Variants in GPC5 observed in about 807,000 individuals in gnomAD.
GPC5 encodes glypican-5.
GPC5 carries 47 observed loss-of-function variants against 53.9 expected under a neutral mutation model. The ratio of observed to expected loss-of-function variants is 0.87; its 90% CI spans 0.69 to 1.11. GPC5 has a LOEUF of 1.11. GPC5 is among the 50% of genes most tolerant of loss of function. The pLI is 0.00. For missense variants in GPC5, 748 were observed against 713.1 expected (o/e 1.05, Z -0.56); for synonymous variants, 286 against 263.3 (o/e 1.09, Z -0.84).
At chr13:92,368,010 A>T (rs2043619597) in intron 7 of GPC5, among the ~76,000 whole-genome samples, 1 of 152,046 alleles carries the variant, frequency 6.6e-6, no homozygotes, top group Admixed American at 6.5e-5. Flanking sequence ...GGTGAGGCAG[A>T]GTTTCACTCT....
At chr13:91,784,692 C>T (rs2037850592) in intron 5 of GPC5, among the ~76,000 whole-genome samples, 1 of 145,998 alleles carries the variant, frequency 6.8e-6, no homozygotes, top group African/African-American at 2.6e-5. Flanking sequence ...CCATTGAACC[C>T]CAGCTTGGGC....
chr13:91,697,452 T>A (rs751712896), intron 3 of GPC5, among the ~76,000 whole-genome samples: 6 of 152,180 alleles, frequency 3.9e-5, no homozygotes, highest in South Asian at 4.1e-4. Flanking sequence ...TCTCTGATGT[T>A]TTAAATGCTC....
At chr13:92,670,534 T>A (rs1055185425) in intron 7 of GPC5, among the ~76,000 whole-genome samples, 4 of 152,230 alleles carry the variant, frequency 2.6e-5, no homozygotes, top group African/African-American at 9.6e-5. Flanking sequence ...GTTCTTTTCA[T>A]CCTGCTAAAT....
At chr13:91,875,607 G>C (rs2138939428) in intron 5 of GPC5, among the ~76,000 whole-genome samples, 1 of 151,972 alleles carries the variant, frequency 6.6e-6, no homozygotes, top group African/African-American at 2.4e-5. Context: ...CTGTTTTATA[G>C]GATTGAAACT....
intron 7 of GPC5, among the ~76,000 whole-genome samples, chr13:92,291,394 T>A (rs1171757995): frequency 6.6e-6 from 1 of 152,142 alleles, no homozygotes; most frequent in East Asian, 1.9e-4. Context: ...AGCTCAAGAT[T>A]TGTAAACACA....
rs147151384 is a variant in GPC5, at chr13:92,042,450, G to A, written c.1402-102380G>A. On this transcript the variant is annotated intron_variant, in intron 6 of 7. Transcript: ENST00000377067. ...CCAATAAGTGGAATGTGATAACTCAGGGGTGATCCCTGAGTTACCTGGATC... is the reference window on the plus strand; with the variant it reads ...CCAATAAGTGGAATGTGATAACTCAAGGGTGATCCCTGAGTTACCTGGATC... 4.6e-3 allele frequency among the ~76,000 whole-genome samples: 699 copies of A among 152,136 alleles called. 7 individuals are homozygous for A. The highest frequency in any genetic ancestry group is 0.016 in the African/African-American group (658 of 41,510).
intron 7 of GPC5, among the ~76,000 whole-genome samples, chr13:92,770,916 T>C (rs1265509688): frequency 6.6e-6 from 1 of 152,154 alleles, no homozygotes; most frequent in Non-Finnish European, 1.5e-5. Flanking sequence ...CTGATATTCA[T>C]GGGGAAGATA....
At chr13:92,414,842 G>C (rs1876212180) in intron 7 of GPC5, among the ~76,000 whole-genome samples, 1 of 152,126 alleles carries the variant, frequency 6.6e-6, no homozygotes, top group Non-Finnish European at 1.5e-5. Flanking sequence ...ATGGGTGTGG[G>C]ACCTCAATCC....
chr13:92,297,541 A>G lies in GPC5; in HGVS notation c.1561+152552A>G, dbSNP rs1163463851. 4.2e-3 allele frequency among the ~76,000 whole-genome samples: 622 copies of G among 147,540 alleles called. 4 individuals carry two copies. Among genetic ancestry groups the G allele is most frequent in the East Asian group, 0.042 (197 of 4,732 alleles). On this transcript the variant is annotated intron_variant, in intron 7 of 7. Transcript: ENST00000377067. ...CCTGTGTTTAGCTCAAGGTTTGTGAATGCACCAATCGACACTCTGTATCTA... is the reference window on the plus strand; with the variant it reads ...CCTGTGTTTAGCTCAAGGTTTGTGAGTGCACCAATCGACACTCTGTATCTA...
At chr13:91,498,914 T>C (rs759573302) in intron 2 of GPC5, among the ~76,000 whole-genome samples, 2 of 151,810 alleles carry the variant, frequency 1.3e-5, no homozygotes, top group Non-Finnish European at 2.9e-5. Flanking sequence ...GAGGTTGCAG[T>C]GAGCGAAGAT....
At chr13:92,190,238 A>T (rs568494568) in intron 7 of GPC5, among the ~76,000 whole-genome samples, 1 of 152,184 alleles carries the variant, frequency 6.6e-6, no homozygotes, top group Non-Finnish European at 1.5e-5. Context: ...TCTATGAAAT[A>T]ATCCTTCAAA....
chr13:92,290,968 G>A (rs896307364), intron 7 of GPC5, among the ~76,000 whole-genome samples: 1 of 152,136 alleles, frequency 6.6e-6, no homozygotes, highest in Non-Finnish European at 1.5e-5. Flanking sequence ...GGCTCGGCAG[G>A]CCCCACTCTT....
intron 1 of GPC5, among the ~76,000 whole-genome samples, chr13:91,401,533 A>T (rs1417750690): frequency 1.3e-5 from 2 of 152,196 alleles, no homozygotes; most frequent in Admixed American, 6.5e-5. Flanking sequence ...CATTTAGCAC[A>T]TACCCTTTCA....
At chr13:92,167,842 G>C (rs1490312712) in intron 7 of GPC5, among the ~76,000 whole-genome samples, 1 of 148,754 alleles carries the variant, frequency 6.7e-6, no homozygotes, top group South Asian at 2.1e-4. Flanking sequence ...ACTCATTTTA[G>C]TTCAGTATCA....
intron 7 of GPC5, among the ~76,000 whole-genome samples, chr13:92,367,778 C>T (rs1027442773): frequency 9.9e-5 from 15 of 152,208 alleles, no homozygotes; most frequent in Admixed American, 9.8e-4. Context: ...TTGTGAAAAA[C>T]ACAATTTCCC....
At chr13:92,158,855 T>C (rs2041965037) in intron 7 of GPC5, among the ~76,000 whole-genome samples, 2 of 152,186 alleles carry the variant, frequency 1.3e-5, no homozygotes, top group Non-Finnish European at 2.9e-5. Context: ...TGGTTCGGTA[T>C]CAAAATTTAT....
chr13:92,385,269 G>C (rs2043782751), intron 7 of GPC5, among the ~76,000 whole-genome samples: 1 of 148,980 alleles, frequency 6.7e-6, no homozygotes, highest in South Asian at 2.1e-4. Context: ...CATGTATCCA[G>C]TGGACTGTTT....
intron 7 of GPC5, among the ~76,000 whole-genome samples, chr13:92,327,375 C>T (rs1302589522): frequency 6.6e-6 from 1 of 152,168 alleles, no homozygotes; most frequent in Admixed American, 6.6e-5. Flanking sequence ...GCTTGTGTTA[C>T]TATCTTACAC....
At chr13:92,852,082 A>G (rs901094820) in intron 7 of GPC5, among the ~76,000 whole-genome samples, 1 of 152,138 alleles carries the variant, frequency 6.6e-6, no homozygotes, top group Non-Finnish European at 1.5e-5. Flanking sequence ...CAGGAAGTCC[A>G]GAGGCATCAG....
Sources: gnomAD v4.1 joint callset for allele counts (sites outside exome capture counted in the v4.1 genomes callset) on GRCh38, gnomAD v4.1.1 for gene constraint, MANE v1.5 for transcripts, NCBI Gene and HGNC (gene_info 2026-07-23, HGNC 2026-07-21) for gene names.